Variants in JAK1 observed in about 807,000 individuals in gnomAD.
JAK1 encodes the protein tyrosine-protein kinase JAK1.
Under a neutral mutation model 136.6 loss-of-function variants are expected in JAK1, and 16 were observed. That is an observed-to-expected ratio of 0.12 (90% confidence interval 0.08 to 0.18). The LOEUF (loss-of-function observed/expected upper bound fraction) is 0.18, where lower values mean the gene tolerates loss of function less well. Ranked by LOEUF, JAK1 falls within the 10% of genes least tolerant of loss-of-function variation. The pLI, the probability that JAK1 is intolerant of heterozygous loss-of-function variation, is 1.00. For missense variants in JAK1, 859 were observed against 1,450.1 expected, an observed-to-expected ratio of 0.59 and a Z score of 6.62; for synonymous variants, 492 against 519.5, an observed-to-expected ratio of 0.95 and a Z score of 0.72.
At chr1:64,969,099 G>C (rs1273169420), upstream of JAK1, among the ~76,000 whole-genome samples, 1 of 151,336 alleles carries the variant, frequency 6.6e-6, no homozygotes, top group East Asian at 1.9e-4. Flanking sequence ...AACAGAGTGA[G>C]ACCCCTTCTC....
chr1:64,853,660 C>T (rs1655740699), intron 11 of JAK1, among the ~76,000 whole-genome samples: 1 of 152,196 alleles, frequency 6.6e-6, no homozygotes, highest in Admixed American at 6.5e-5. Flanking sequence ...GTCTCAATTT[C>T]ATCACCTTTG....
rs1347694388 is a variant in JAK1 at position 64,864,901 on chromosome 1, C to T, written c.1062G>A (p.Glu354=). ...ACTCTTCCCGGATCTTGTTTTTCTCCTCATCCTTCTTGTGTTTATTTTCCA... is the reference window on the plus strand; with the variant it reads ...ACTCTTCCCGGATCTTGTTTTTCTCTTCATCCTTCTTGTGTTTATTTTCCA... The part of the protein sequence containing the change: ...KKLENKHKKD[E]EKNKIREEWN... The change falls in exon 8 of 25, where the codon GAG becomes GAA. Residue 354 remains glutamate, a synonymous_variant. Transcript: ENST00000342505. The T allele has an allele frequency of 6.2e-7, 1 of 1,613,978 alleles. No individual in the cohort carries two copies. The highest frequency in any genetic ancestry group is 8.5e-7 in the Non-Finnish European group (1 of 1,179,886).
intron 2 of JAK1, among the ~76,000 whole-genome samples, chr1:65,018,462 C>CAGAG (rs138864438): frequency 1.8e-4 from 26 of 146,286 alleles, no homozygotes; most frequent in Admixed American, 5.5e-4. Flanking sequence ...CACATACATA[C>CAGAG]AGAGAGAGAG....
Position 64,860,214 on chromosome 1 carries a change from C to T in JAK1, c.1225G>A (p.Val409Ile), listed in dbSNP as rs1187538700. ...GCTGTGAGCCGGAAGTAGCCATCTA[C>T]CAGGGACACAAAGGACAAGGCCTCC... ...HEEALSFVSL[V>I]DGYFRLTADA... is the part of the protein sequence containing the mutation. Residue 409 changes from valine (V) to isoleucine (I), a missense_variant, in exon 9 of 25, where the codon GTA becomes ATA. This residue lies in a region of JAK1 where 409 missense variants were observed against 753.8 expected (regional missense o/e 0.54). Transcript: ENST00000342505. 1 of 1,611,192 alleles carries T rather than the reference C, an allele frequency of 6.2e-7. No individual in the cohort carries two copies. The highest frequency in any genetic ancestry group is 8.5e-7 in the Non-Finnish European group (1 of 1,177,968).
At chr1:64,977,907 G>A (rs555734453) in intron 2 of JAK1, among the ~76,000 whole-genome samples, 1 of 144,490 alleles carries the variant, frequency 6.9e-6, no homozygotes, top group African/African-American at 2.9e-5. Context: ...CATCGTCATC[G>A]GTAAGTAAGG....
upstream of JAK1, among the ~76,000 whole-genome samples, chr1:64,969,183 C>G (rs2100665127): frequency 6.6e-6 from 1 of 150,630 alleles, no homozygotes; most frequent in South Asian, 2.1e-4. Flanking sequence ...AAAACTTTTG[C>G]CTAAAATAAA....
At chr1:64,926,538 G>A (rs901361137) in intron 1 of JAK1, among the ~76,000 whole-genome samples, 2 of 151,942 alleles carry the variant, frequency 1.3e-5, no homozygotes, top group East Asian at 3.9e-4. Flanking sequence ...ACTTCCTAAT[G>A]CACCCCTGTA....
At chr1:64,880,168 G>A (rs552238102) in intron 3 of JAK1, among the ~76,000 whole-genome samples, 1 of 152,290 alleles carries the variant, frequency 6.6e-6, no homozygotes, top group East Asian at 1.9e-4. Flanking sequence ...CAGACACTGA[G>A]TTAAGAAGCT....
chr1:64,970,743 GAC>G (rs1411129526), upstream of JAK1, among the ~76,000 whole-genome samples: 2 of 144,388 alleles, frequency 1.4e-5, no homozygotes, highest in African/African-American at 2.7e-5. Flanking sequence ...CAGCCTAGAC[GAC>G]AGAGAGACTC....
At chr1:64,928,239 C>T (rs1195227561) in intron 1 of JAK1, among the ~76,000 whole-genome samples, 1 of 152,204 alleles carries the variant, frequency 6.6e-6, no homozygotes, top group East Asian at 1.9e-4. Context: ...CACCTTTTAA[C>T]TCAGACTAGT....
intron 1 of JAK1, among the ~76,000 whole-genome samples, chr1:64,937,625 C>T (rs1645812688): frequency 6.6e-6 from 1 of 152,092 alleles, no homozygotes; most frequent in Non-Finnish European, 1.5e-5. Flanking sequence ...TAGTGGAACA[C>T]TGATTAGTAA....
chr1:64,877,383 A>G (rs11208534), intron 4 of JAK1, among the ~76,000 whole-genome samples: 24,324 of 151,990 alleles, frequency 0.16, 2,265 homozygotes, highest in East Asian at 0.29. Context: ...ATCCTGTTGA[A>G]GCACCATGTC....
At chr1:64,954,367 TAAATA>T (rs1258172015) in intron 1 of JAK1, among the ~76,000 whole-genome samples, 2 of 152,132 alleles carry the variant, frequency 1.3e-5, no homozygotes, top group Non-Finnish European at 2.9e-5. Flanking sequence ...TAAAAGCTAA[TAAATA>T]GTCTCATGCC....
At chr1:64,931,264 A>G (rs1645686414) in intron 1 of JAK1, among the ~76,000 whole-genome samples, 1 of 152,140 alleles carries the variant, frequency 6.6e-6, no homozygotes, top group Non-Finnish European at 1.5e-5. Flanking sequence ...AGTCCTCTTC[A>G]CGTTCTAATA....
intron 20 of JAK1, among the ~76,000 whole-genome samples, chr1:64,839,200 G>A (rs1654728427): frequency 6.7e-6 from 1 of 150,192 alleles, no homozygotes; most frequent in Non-Finnish European, 1.5e-5. Flanking sequence ...TCACTACCAT[G>A]AGTAGATGCT....
At chr1:64,954,451 A>G (rs1646146742) in intron 1 of JAK1, among the ~76,000 whole-genome samples, 1 of 152,194 alleles carries the variant, frequency 6.6e-6, no homozygotes, top group African/African-American at 2.4e-5. Flanking sequence ...GACATGACCT[A>G]CCCCAAGCAC....
At chr1:64,993,438 T>G (rs1646676042) in intron 2 of JAK1, 3 of 152,118 alleles carry the variant, frequency 2.0e-5, no homozygotes, top group Non-Finnish European at 2.9e-5. Context: ...CCCTACACAG[T>G]GTAGGTGCTC....
At position 65,026,247 on chromosome 1, in the gene JAK1, C is replaced by A. The variant is rs903778670; in HGVS notation, c.-78+18233G>T. Among the ~76,000 whole-genome samples the A allele has an allele frequency of 2.6e-5, 4 of 152,174 alleles. No individual in the cohort carries two copies. In the East Asian group the frequency reaches 7.7e-4, roughly 29 times the overall value. On this transcript the variant is annotated intron_variant, in intron 2 of 25. Transcript: ENST00000671954. ...AACCATTACCTTATTGAGCCCCAAA[C>A]TGTAATTTCAGCTATGTGATTAGAG... is the stretch of plus-strand genomic sequence containing the variant.
At chr1:64,887,491 T>G (rs1644869379) in intron 1 of JAK1, among the ~76,000 whole-genome samples, 1 of 152,168 alleles carries the variant, frequency 6.6e-6, no homozygotes. Flanking sequence ...TTGAAGAGAT[T>G]CACTCTTTCA....
Sources: gnomAD v4.1 joint callset for allele counts (sites outside exome capture counted in the v4.1 genomes callset) on GRCh38, gnomAD v4.1.1 for gene constraint, gnomAD v4.1.1 regional missense constraint, MANE v1.5 for transcripts, NCBI Gene and HGNC (gene_info 2026-07-23, HGNC 2026-07-21) for gene names.